Variants in INPP4B observed in about 807,000 individuals in gnomAD.
INPP4B encodes the protein inositol polyphosphate 4-phosphatase type II.
Under a neutral mutation model 122.5 loss-of-function variants are expected in INPP4B, and 55 were observed. The ratio of observed to expected loss-of-function variants is 0.45; its 90% CI spans 0.36 to 0.56. The LOEUF is 0.56. INPP4B is among the 20% of genes least tolerant of loss of function. INPP4B has a pLI of 0.00. For synonymous variants in INPP4B, 403 were observed against 388.7 expected, an observed-to-expected ratio of 1.04 and a Z score of -0.43; for missense variants, 1,000 against 1,097.7, an observed-to-expected ratio of 0.91 and a Z score of 1.26.
At chr4:142,698,038 A>G (rs1761247277) in intron 2 of INPP4B, among the ~76,000 whole-genome samples, 1 of 152,126 alleles carries the variant, frequency 6.6e-6, no homozygotes, top group Non-Finnish European at 1.5e-5. Flanking sequence ...TAAAAAGAGT[A>G]TAATGCAAGA....
intron 3 of INPP4B, among the ~76,000 whole-genome samples, chr4:142,435,804 A>T (rs1346399915): frequency 6.6e-6 from 1 of 152,130 alleles, no homozygotes; most frequent in East Asian, 1.9e-4. Context: ...TCATGAACCC[A>T]TGCCACTGGG....
At chr4:142,241,686 A>C (rs2150028187) in intron 11 of INPP4B, among the ~76,000 whole-genome samples, 1 of 152,334 alleles carries the variant, frequency 6.6e-6, no homozygotes, top group East Asian at 1.9e-4. Context: ...TTGGGGCAGA[A>C]AAGATAAATC....
intron 2 of INPP4B, among the ~76,000 whole-genome samples, chr4:142,598,440 C>T (rs992758375): frequency 2.6e-5 from 4 of 152,180 alleles, no homozygotes; most frequent in African/African-American, 9.6e-5. Flanking sequence ...CATCACAGGA[C>T]AGAATCCAGC....
At chr4:142,185,885 T>TTAA (rs1554000202) in intron 15 of INPP4B, among the ~76,000 whole-genome samples, 2 of 129,840 alleles carry the variant, frequency 1.5e-5, no homozygotes, top group Admixed American at 8.1e-5. Context: ...TCTCAAAACA[T>TTAA]AAAAAAAAAA....
intron 2 of INPP4B, among the ~76,000 whole-genome samples, chr4:142,671,098 A>C (rs111431634): frequency 1.3e-5 from 2 of 152,122 alleles, no homozygotes; most frequent in African/African-American, 4.8e-5. Flanking sequence ...CTAGGGCACT[A>C]GATGGGGAAA....
At chr4:142,708,411 C>A (rs1395725742) in intron 2 of INPP4B, among the ~76,000 whole-genome samples, 1 of 152,176 alleles carries the variant, frequency 6.6e-6, no homozygotes, top group African/African-American at 2.4e-5. Context: ...TTTCAGAAAA[C>A]TTCAAGGCAG....
chr4:142,379,685 T>C (rs1182186592), intron 7 of INPP4B, among the ~76,000 whole-genome samples: 1 of 152,328 alleles, frequency 6.6e-6, no homozygotes, highest in South Asian at 2.1e-4. Context: ...CATTTTATAT[T>C]ACTTATAAAT....
chr4:142,518,810 C>T (rs1825733972), intron 2 of INPP4B: 1 of 152,182 alleles, frequency 6.6e-6, no homozygotes, highest in African/African-American at 2.4e-5. Context: ...ATTAAGCAAG[C>T]TTGGTAGCAG....
intron 2 of INPP4B, among the ~76,000 whole-genome samples, chr4:142,605,638 A>G (rs988474673): frequency 1.9e-4 from 27 of 143,502 alleles, no homozygotes; most frequent in African/African-American, 5.7e-4. Context: ...ACATTTTTCA[A>G]AAAAAAAGGG....
chr4:142,545,769 G>A (rs1048511186), intron 2 of INPP4B, among the ~76,000 whole-genome samples: 6 of 135,336 alleles, frequency 4.4e-5, no homozygotes, highest in Admixed American at 3.8e-4. Context: ...GTATATGTGT[G>A]TATATATATA....
chr4:142,549,758 TC>T (rs1356011021), intron 2 of INPP4B, among the ~76,000 whole-genome samples: 3 of 152,178 alleles, frequency 2.0e-5, no homozygotes, highest in Non-Finnish European at 4.4e-5. Context: ...GGGCTTACAT[TC>T]AGGTAATAGG....
chr4:142,653,371 A>G (rs1753439947), intron 2 of INPP4B, among the ~76,000 whole-genome samples: 2 of 152,216 alleles, frequency 1.3e-5, no homozygotes, highest in Non-Finnish European at 2.9e-5. Flanking sequence ...AAATTGACAA[A>G]TGGGATCTAA....
chr4:142,639,088 T>C (rs2150468524), intron 2 of INPP4B, among the ~76,000 whole-genome samples: 1 of 152,338 alleles, frequency 6.6e-6, no homozygotes, highest in South Asian at 2.1e-4. Context: ...TTGACTGTTT[T>C]TTGAATGCTG....
intron 2 of INPP4B, among the ~76,000 whole-genome samples, chr4:142,464,073 A>G (rs1817259727): frequency 6.6e-6 from 1 of 152,216 alleles, no homozygotes. Flanking sequence ...TAATTCAGGC[A>G]GAGTCCCACA....
At chr4:142,765,730 T>G (rs1046762504) in intron 1 of INPP4B, 1 of 152,166 alleles carries the variant, frequency 6.6e-6, no homozygotes, top group African/African-American at 2.4e-5. Flanking sequence ...CATCTTTCTT[T>G]TATTTATATA....
intron 2 of INPP4B, among the ~76,000 whole-genome samples, chr4:142,499,813 A>G (rs145983290): frequency 5.0e-4 from 76 of 152,256 alleles, no homozygotes; most frequent in African/African-American, 1.6e-3. Flanking sequence ...TTAAGAAATT[A>G]TTTAAAACCT....
chr4:142,164,421 A>G (rs184442779), intron 16 of INPP4B, among the ~76,000 whole-genome samples: 1 of 152,004 alleles, frequency 6.6e-6, no homozygotes, highest in African/African-American at 2.4e-5. Flanking sequence ...TTTAGTAATC[A>G]TCTATGCAGC....
chr4:142,316,205 A>C (rs527690066), intron 7 of INPP4B, among the ~76,000 whole-genome samples: 1 of 152,330 alleles, frequency 6.6e-6, no homozygotes, highest in Non-Finnish European at 1.5e-5. Context: ...GAGAGATCCC[A>C]ATGGAGTAAA....
chr4:142,435,157 GGCACTATCTTAGGAAAAGAA>G (rs1452716734), intron 3 of INPP4B, among the ~76,000 whole-genome samples: 2 of 152,094 alleles, frequency 1.3e-5, no homozygotes, highest in Non-Finnish European at 2.9e-5. Context: ...TCACACAAGT[GGCACTATCTTAGGAAAAGAA>G]GCAGGGAAAA....
Sources: gnomAD v4.1 joint callset for allele counts (sites outside exome capture counted in the v4.1 genomes callset) on GRCh38, gnomAD v4.1.1 for gene constraint, MANE v1.5 for transcripts, NCBI Gene and HGNC (gene_info 2026-07-23, HGNC 2026-07-21) for gene names.